The following TMCC1 variants were observed in gnomAD, a reference collection of about 807,000 sequenced individuals.
TMCC1 encodes the protein transmembrane and coiled-coil domains protein 1.
In TMCC1, 15 loss-of-function variants were observed where a neutral mutation model predicts 52.4. That is an observed-to-expected ratio of 0.29 (90% confidence interval 0.19 to 0.44). The LOEUF is 0.44. Ranked by LOEUF, TMCC1 falls within the 20% of genes least tolerant of loss-of-function variation. TMCC1 has a pLI of 1.00. For synonymous variants in TMCC1, 279 were observed against 301.9 expected, an observed-to-expected ratio of 0.92 and a Z score of 0.79; for missense variants, 503 against 806.0, an observed-to-expected ratio of 0.62 and a Z score of 4.55.
At chr3:129,765,079 G>C (rs1475848234) in intron 4 of TMCC1, among the ~76,000 whole-genome samples, 1 of 150,962 alleles carries the variant, frequency 6.6e-6, no homozygotes, top group African/African-American at 2.4e-5. Flanking sequence ...TGGGATTACA[G>C]GCATGAGCCA....
chr3:129,799,326 G>A (rs1419664419), intron 4 of TMCC1, among the ~76,000 whole-genome samples: 1 of 152,124 alleles, frequency 6.6e-6, no homozygotes, highest in Non-Finnish European at 1.5e-5. Context: ...AAGAAAGGAC[G>A]GTAAGAAGGG....
At chr3:129,797,557 C>T (rs1316617496) in intron 4 of TMCC1, among the ~76,000 whole-genome samples, 1 of 151,896 alleles carries the variant, frequency 6.6e-6, no homozygotes, top group Non-Finnish European at 1.5e-5. Flanking sequence ...GCCTGGGCAA[C>T]ACGGTGAAAC....
chr3:129,846,012 C>A (rs1679730330), intron 2 of TMCC1, among the ~76,000 whole-genome samples: 1 of 150,964 alleles, frequency 6.6e-6, no homozygotes, highest in East Asian at 1.9e-4. Context: ...TCAACCTGGG[C>A]AACAGAGTGA....
intron 4 of TMCC1, among the ~76,000 whole-genome samples, chr3:129,683,837 G>C (rs142102809): frequency 1.0e-3 from 157 of 152,106 alleles, no homozygotes; most frequent in African/African-American, 3.4e-3. Context: ...ACAGCTTATT[G>C]TTCAGACTCC....
intron 4 of TMCC1, among the ~76,000 whole-genome samples, chr3:129,768,943 G>A (rs922552145): frequency 2.0e-5 from 3 of 152,174 alleles, no homozygotes; most frequent in Admixed American, 1.3e-4. Context: ...ACTCACTGGA[G>A]ATAGGCAGAT....
At chr3:129,819,585 G>A (rs896436057) in intron 4 of TMCC1, among the ~76,000 whole-genome samples, 10 of 152,128 alleles carry the variant, frequency 6.6e-5, no homozygotes, top group African/African-American at 1.9e-4. Context: ...ATTTCAAACT[G>A]GAGTTGTGCT....
At chr3:129,681,936 T>G (rs980715700) in intron 4 of TMCC1, among the ~76,000 whole-genome samples, 5 of 150,064 alleles carry the variant, frequency 3.3e-5, no homozygotes, top group African/African-American at 1.2e-4. Flanking sequence ...AATTAAAAAA[T>G]AAATAAAATA....
At chr3:129,675,642 A>C (rs2088356559) in intron 4 of TMCC1, among the ~76,000 whole-genome samples, 1 of 152,234 alleles carries the variant, frequency 6.6e-6, no homozygotes, top group African/African-American at 2.4e-5. Flanking sequence ...AACCAAAGGA[A>C]TAATGTAATT....
intron 4 of TMCC1, among the ~76,000 whole-genome samples, chr3:129,798,133 T>C (rs1368679736): frequency 6.6e-6 from 1 of 151,994 alleles, no homozygotes; most frequent in Non-Finnish European, 1.5e-5. Flanking sequence ...GTAGCTGGGA[T>C]TACAGGCGCC....
At chr3:129,873,773 T>C (rs1477108502) in intron 2 of TMCC1, among the ~76,000 whole-genome samples, 1 of 152,192 alleles carries the variant, frequency 6.6e-6, no homozygotes, top group Non-Finnish European at 1.5e-5. Context: ...CCAAAATGCT[T>C]GGAACCAGAA....
chr3:129,761,845 G>A (rs1260730838), intron 4 of TMCC1, among the ~76,000 whole-genome samples: 3 of 151,966 alleles, frequency 2.0e-5, no homozygotes, highest in African/African-American at 7.2e-5. Flanking sequence ...ACAAAAATTA[G>A]CTAGGCATGA....
chr3:129,723,757 A>T (rs59858830), intron 4 of TMCC1, among the ~76,000 whole-genome samples: 2,382 of 152,222 alleles, frequency 0.016, 47 homozygotes, highest in African/African-American at 0.055. Context: ...TTACAACCTT[A>T]CACAAGTCAG....
intron 4 of TMCC1, among the ~76,000 whole-genome samples, chr3:129,671,739 A>G (rs1466548474): frequency 6.6e-6 from 1 of 152,230 alleles, no homozygotes. Context: ...TGTCGGCAAG[A>G]ATAGGTATGT....
intron 4 of TMCC1, among the ~76,000 whole-genome samples, chr3:129,730,653 T>C (rs1437134080): frequency 1.3e-5 from 2 of 152,230 alleles, no homozygotes; most frequent in African/African-American, 4.8e-5. Context: ...TGCCTTTCGA[T>C]ATATATTTAA....
At chr3:129,883,043 C>T (rs1326010976) in intron 1 of TMCC1, among the ~76,000 whole-genome samples, 2 of 152,068 alleles carry the variant, frequency 1.3e-5, no homozygotes, top group Non-Finnish European at 2.9e-5. Context: ...AATCCCAGCA[C>T]TTTGGGAGGC....
chr3:129,829,190 C>A (rs1409150168), intron 3 of TMCC1, among the ~76,000 whole-genome samples: 2 of 152,130 alleles, frequency 1.3e-5, no homozygotes, highest in African/African-American at 4.8e-5. Context: ...GAATCAGAAT[C>A]AGAGACTAGA....
At chr3:129,697,106 C>T (rs1288542260) in intron 4 of TMCC1, among the ~76,000 whole-genome samples, 2 of 152,218 alleles carry the variant, frequency 1.3e-5, no homozygotes, top group East Asian at 3.9e-4. Context: ...TGTGTGGGGG[C>T]TCCAACCCCA....
intron 2 of TMCC1, among the ~76,000 whole-genome samples, chr3:129,861,571 T>C (rs2060400139): frequency 1.3e-5 from 2 of 152,136 alleles, no homozygotes; most frequent in African/African-American, 4.8e-5. Flanking sequence ...AGAATTCAAA[T>C]AAACATTTCT....
intron 4 of TMCC1, among the ~76,000 whole-genome samples, chr3:129,721,086 C>T (rs1474293969): frequency 6.6e-6 from 1 of 152,082 alleles, no homozygotes; most frequent in Non-Finnish European, 1.5e-5. Context: ...GCCACTCTTC[C>T]CTCTCTTAAT....
Sources: gnomAD v4.1 joint callset for allele counts (sites outside exome capture counted in the v4.1 genomes callset) on GRCh38, gnomAD v4.1.1 for gene constraint, MANE v1.5 for transcripts, NCBI Gene and HGNC (gene_info 2026-07-23, HGNC 2026-07-21) for gene names.